KLF11: variants seen among roughly 807,000 people sequenced by gnomAD.
KLF11 encodes KLF transcription factor 11, also known as Krueppel-like factor 11.
In KLF11, 26 loss-of-function variants were observed where a neutral mutation model predicts 29.9. The ratio of observed to expected loss-of-function variants is 0.87; its 90% CI spans 0.64 to 1.21. The LOEUF (loss-of-function observed/expected upper bound fraction) is 1.21. Ranked by LOEUF, KLF11 falls within the 50% of genes most tolerant of loss-of-function variation. KLF11 has a pLI of 0.00. For missense variants in KLF11, 778 were observed against 665.7 expected, an observed-to-expected ratio of 1.17 and a Z score of -1.86; for synonymous variants, 318 against 257.4, an observed-to-expected ratio of 1.24 and a Z score of -2.25.
At chr2:10,043,787 T>C in intron 1 of KLF11, 29 bp downstream of exon 1, 1 of 1,356,728 alleles carries the variant, frequency 7.4e-7, no homozygotes. Flanking sequence ...GCGGCGGGAC[T>C]ACTCGTCTGA....
At chr2:10,050,705 C>T (rs1661376809) in intron 3 of KLF11, among the ~76,000 whole-genome samples, 1 of 151,906 alleles carries the variant, frequency 6.6e-6, no homozygotes, top group Non-Finnish European at 1.5e-5. Flanking sequence ...GAGACTCCGT[C>T]TCAAAAAATA....
Position 10,052,566 on chromosome 2 carries a change from C to A in KLF11, c.*59C>A. On this transcript the variant is annotated 3_prime_UTR_variant, in exon 4 of 4. Transcript: ENST00000305883. ...AAAAAGCCTCTTTCCAGGAATGGAA[C>A]TGATGGATTCCTCTCCCACTGCCTC... 1 of 1,559,412 alleles carries A rather than the reference C, an allele frequency of 6.4e-7. No homozygotes were observed. Among genetic ancestry groups the A allele is most frequent in the South Asian group, 1.1e-5 (1 of 87,494 alleles).
intron 1 of KLF11, 102 bp downstream of exon 1, chr2:10,043,860 C>G: frequency 8.6e-7 from 1 of 1,162,384 alleles, no homozygotes; most frequent in South Asian, 2.0e-5. Flanking sequence ...GGAGGTGGGG[C>G]GTGCAGGGCT....
At chr2:10,050,027 G>A (rs537499687) in intron 3 of KLF11, among the ~76,000 whole-genome samples, 2 of 152,310 alleles carry the variant, frequency 1.3e-5, no homozygotes, top group African/African-American at 2.4e-5. Context: ...AAGTTTTACC[G>A]TTTATTTGGT....
intron 1 of KLF11, chr2:10,044,017 C>T: frequency 2.8e-6 from 2 of 715,880 alleles, no homozygotes; most frequent in Non-Finnish European, 3.4e-6. Flanking sequence ...CGGCCCCGCC[C>T]CGCTGGCCCC....
chr2:10,046,010 C>G, intron 1 of KLF11, 140 bp from the exon 2 acceptor site: 2 of 962,610 alleles, frequency 2.1e-6, no homozygotes, highest in African/African-American at 1.6e-5. Flanking sequence ...TTTACTACAC[C>G]TCGGTGTTTG....
At chr2:10,049,895 G>A (rs1027236379) in intron 3 of KLF11, among the ~76,000 whole-genome samples, 4 of 152,304 alleles carry the variant, frequency 2.6e-5, no homozygotes, top group Non-Finnish European at 5.9e-5. Flanking sequence ...GAGGGGAATT[G>A]ACCTGCCTGC....
chr2:10,050,850 A>C (rs1661380374), intron 3 of KLF11, among the ~76,000 whole-genome samples: 2 of 148,358 alleles, frequency 1.3e-5, no homozygotes, highest in Admixed American at 1.4e-4. Context: ...GCCAACCTGA[A>C]AAATATTTAA....
intron 3 of KLF11, among the ~76,000 whole-genome samples, chr2:10,051,395 G>A (rs1661400791): frequency 6.6e-6 from 1 of 151,814 alleles, no homozygotes; most frequent in South Asian, 2.1e-4. Context: ...TTTTAGTAGA[G>A]ACAGTTTCGC....
At chr2:10,048,623 G>C (rs1213046846) in intron 3 of KLF11, 28 bp downstream of exon 3, 1 of 1,529,836 alleles carries the variant, frequency 6.5e-7, no homozygotes, top group Non-Finnish European at 9.0e-7. Flanking sequence ...TGGGGCATTG[G>C]GCACACCAGA....
intron 3 of KLF11, among the ~76,000 whole-genome samples, chr2:10,051,564 C>G (rs1261132178): frequency 6.6e-6 from 1 of 151,052 alleles, no homozygotes; most frequent in Non-Finnish European, 1.5e-5. Flanking sequence ...GTCGCCCAGG[C>G]TGGAGTGCAG....
chr2:10,048,103 G>C lies in KLF11; in HGVS notation c.766G>C (p.Val256Leu). The C allele has an allele frequency of 6.2e-7, 1 of 1,614,240 alleles. No individual in the cohort carries two copies. The highest frequency in any genetic ancestry group is 8.5e-7 in the Non-Finnish European group (1 of 1,180,040). Reference sequence around the variant, plus strand: ...CCAGCAGGCAGGGTGGCCTGGTGCAGTTCAGACTTGCTCACCAAAGAATTA... The same window carrying C: ...CCAGCAGGCAGGGTGGCCTGGTGCACTTCAGACTTGCTCACCAAAGAATTA... ...KGQQAGWPGA[V>L]QTCSPKNYEN... Residue 256 changes from valine (V) to leucine (L), a missense_variant, in exon 3 of 4, where the codon GTT (valine) becomes CTT (leucine). Coordinates refer to ENST00000305883, the MANE Select transcript of KLF11 (RefSeq NM_003597.5).
chr2:10,046,559 T>C lies in KLF11; in HGVS notation c.312+140T>C, dbSNP rs1661210593. 8 of 962,958 alleles carry C rather than the reference T, an allele frequency of 8.3e-6. No individual in the cohort carries two copies. In the South Asian group the frequency reaches 1.1e-4, roughly 13 times the overall value. The allele number at this position is 962,958 out of a possible 1,614,324, so 59.7% of individuals were successfully genotyped here. A position where few individuals can be genotyped will look rare whatever the true frequency, so the allele number is the denominator to read the frequency against. On this transcript the variant is annotated intron_variant, in intron 2 of 3. Coordinates refer to ENST00000305883, the MANE Select transcript of KLF11 (RefSeq NM_003597.5). ...TCCTCTCTGTGTGGGTCTGAAGGAGTAGAAACTCTTCCTTTGGCCAGGCAT... is the reference window on the plus strand; with the variant it reads ...TCCTCTCTGTGTGGGTCTGAAGGAGCAGAAACTCTTCCTTTGGCCAGGCAT...
intron 1 of KLF11, 151 bp downstream of exon 1, chr2:10,043,909 GGAGCC>G: frequency 1.9e-6 from 2 of 1,034,602 alleles, no homozygotes; most frequent in Non-Finnish European, 2.3e-6. Context: ...GGCGGGCTCC[GGAGCC>G]GGGCGGGGCG....
intron 1 of KLF11, chr2:10,044,028 G>C: frequency 4.1e-6 from 3 of 723,238 alleles, no homozygotes; most frequent in Non-Finnish European, 5.1e-6. Context: ...CGCTGGCCCC[G>C]CGGCTATTTC....
At chr2:10,046,905 A>G (rs1215989308) in intron 2 of KLF11, among the ~76,000 whole-genome samples, 1 of 152,228 alleles carries the variant, frequency 6.6e-6, no homozygotes. Flanking sequence ...CATTTCTGAA[A>G]AATGTGCTCT....
intron 1 of KLF11, 77 bp from the exon 2 acceptor site, chr2:10,046,073 G>T: frequency 6.4e-7 from 1 of 1,551,666 alleles, no homozygotes; most frequent in Non-Finnish European, 8.9e-7. Context: ...CTTCTGATAT[G>T]CATATCCACA....
Position 10,053,539 on chromosome 2 carries a change from G to A in KLF11, c.*1032G>A. The A allele has an allele frequency of 2.5e-6, 1 of 398,126 alleles. No homozygotes were observed. Among genetic ancestry groups the A allele is most frequent in the Middle Eastern group, 6.3e-4 (1 of 1,584 alleles). 24.7% of individuals were successfully genotyped at this position (398,126 alleles called of 1,614,324 possible). ...AGCTTAGCTGGGGCGAGATGCATGT[G>A]AAGGCAGGCAGTGCCAAGATTCCGC... is the stretch of plus-strand genomic sequence containing the variant. On this transcript the variant is annotated 3_prime_UTR_variant, in exon 4 of 4. Transcript: ENST00000305883.
Position 10,048,021 on chromosome 2 carries a change from G to A in KLF11, c.684G>A (p.Leu228=), listed in dbSNP as rs757926432. The A allele has an allele frequency of 5.0e-6, 8 of 1,614,008 alleles. No individual in the cohort carries two copies. In the African/African-American group the frequency reaches 8.0e-5, roughly 16 times the overall value. ...HLTDSLLSTN[L]VSCQPCLHKS... ...CGGACAGTTTACTCAGCACTAACTT[G>A]GTGTCCTGTCAGCCCTGCTTGCACA... is the stretch of plus-strand genomic sequence containing the variant. Residue 228 remains leucine, a synonymous_variant, in exon 3 of 4, where the codon TTG becomes TTA. Transcript: ENST00000305883.
Sources: gnomAD v4.1 joint callset for allele counts (sites outside exome capture counted in the v4.1 genomes callset) on GRCh38, gnomAD v4.1.1 for gene constraint, MANE v1.5 for transcripts, NCBI Gene and HGNC (gene_info 2026-07-23, HGNC 2026-07-21) for gene names.